GARIN2: variants seen among roughly 807,000 people sequenced by gnomAD.
The protein encoded by GARIN2 is Golgi-associated RAB2 interactor protein 2.
At chr14:67,220,330 T>A in the GARIN2 span, among the ~76,000 whole-genome samples, 3 of 152,112 alleles carry the variant, frequency 2.0e-5, no homozygotes, top group South Asian at 4.1e-4. Context: ...GAGGTCCCAG[T>A]TACTCAGGAG....
At chr14:67,207,196 G>T in the GARIN2 span, among the ~76,000 whole-genome samples, 1 of 152,092 alleles carries the variant, frequency 6.6e-6, no homozygotes, top group East Asian at 1.9e-4. Flanking sequence ...AATTAATAAA[G>T]AAAAGAGGGT....
chr14:67,189,715 C>T, the GARIN2 span: 1 of 152,222 alleles, frequency 6.6e-6, no homozygotes, highest in Admixed American at 6.5e-5. Context: ...TCTTCTACCT[C>T]AACCAGAACA....
chr14:67,215,764 G>A, the GARIN2 span, among the ~76,000 whole-genome samples: 1 of 152,090 alleles, frequency 6.6e-6, no homozygotes, highest in East Asian at 1.9e-4. Flanking sequence ...AATAATCATT[G>A]ATCAGGTCTG....
At chr14:67,225,530 A>G in the GARIN2 span, among the ~76,000 whole-genome samples, 1 of 152,150 alleles carries the variant, frequency 6.6e-6, no homozygotes, top group Non-Finnish European at 1.5e-5. Context: ...TACCATAGCG[A>G]TTCTTCTCAT....
the GARIN2 span, chr14:67,201,306 A>C: frequency 2.9e-6 from 1 of 350,680 alleles, no homozygotes; most frequent in African/African-American, 2.2e-5. Flanking sequence ...AAAACAAACA[A>C]ATAAATATTT....
chr14:67,218,275 G>A, the GARIN2 span, among the ~76,000 whole-genome samples: 1 of 152,194 alleles, frequency 6.6e-6, no homozygotes, highest in African/African-American at 2.4e-5. Flanking sequence ...CTACAGAGCT[G>A]TTTCTCAGGC....
At chr14:67,219,240 T>C in the GARIN2 span, among the ~76,000 whole-genome samples, 1 of 152,216 alleles carries the variant, frequency 6.6e-6, no homozygotes, top group South Asian at 2.1e-4. Flanking sequence ...TAGGTGTTTT[T>C]GGTAGCAATG....
At chr14:67,204,716 A>C in the GARIN2 span, 1 of 1,613,962 alleles carries the variant, frequency 6.2e-7, no homozygotes, top group Non-Finnish European at 8.5e-7. Context: ...GAGAAAGCCA[A>C]AGTTTCCAAA....
chr14:67,222,981 T>C, the GARIN2 span, among the ~76,000 whole-genome samples: 18 of 151,136 alleles, frequency 1.2e-4, no homozygotes, highest in Admixed American at 2.0e-4. Flanking sequence ...GGATTTGTCT[T>C]TGGGCCTTCC....
the GARIN2 span, among the ~76,000 whole-genome samples, chr14:67,220,374 C>T: frequency 6.6e-6 from 1 of 150,928 alleles, no homozygotes; most frequent in Admixed American, 6.6e-5. Context: ...GCTGGGAGGT[C>T]AAGGCTGCAA....
At chr14:67,207,092 A>T in the GARIN2 span, among the ~76,000 whole-genome samples, 1 of 152,194 alleles carries the variant, frequency 6.6e-6, no homozygotes. Context: ...TTTTATCCTT[A>T]AGGAAGAAAA....
the GARIN2 span, chr14:67,224,993 TC>T: frequency 1.3e-6 from 1 of 783,002 alleles, no homozygotes; most frequent in Non-Finnish European, 2.0e-6. Context: ...AATTTAATAT[TC>T]AAAATAAGCT....
chr14:67,200,487 C>CT, the GARIN2 span: 1 of 374,868 alleles, frequency 2.7e-6, no homozygotes, highest in Non-Finnish European at 4.8e-6. Context: ...GGAGGTATTT[C>CT]TTTTTTATGT....
chr14:67,215,778 ACT>A, the GARIN2 span, among the ~76,000 whole-genome samples: 4 of 152,264 alleles, frequency 2.6e-5, no homozygotes, highest in East Asian at 7.7e-4. Context: ...AGGTCTGGTC[ACT>A]CTGATGTCTT....
the GARIN2 span, chr14:67,205,038 C>A: frequency 1.3e-6 from 2 of 1,552,142 alleles, no homozygotes; most frequent in South Asian, 2.4e-5. Context: ...GCTCGGGAGT[C>A]ACAGTGGTGT....
the GARIN2 span, chr14:67,203,394 A>G: frequency 1.9e-5 from 18 of 954,552 alleles, no homozygotes; most frequent in African/African-American, 2.3e-4. Context: ...CCAGTGGAGC[A>G]TGTTACTCGC....
the GARIN2 span, among the ~76,000 whole-genome samples, chr14:67,215,024 G>A: frequency 3.3e-5 from 5 of 152,136 alleles, no homozygotes; most frequent in Non-Finnish European, 5.9e-5. Context: ...TTTGTATCCT[G>A]AGACTTTGCT....
the GARIN2 span, among the ~76,000 whole-genome samples, chr14:67,219,944 T>C: frequency 6.6e-6 from 1 of 152,172 alleles, no homozygotes; most frequent in African/African-American, 2.4e-5. Context: ...CTAGCTAGAG[T>C]CTAATTTGAG....
At chr14:67,190,149 A>G in the GARIN2 span, among the ~76,000 whole-genome samples, 1 of 147,318 alleles carries the variant, frequency 6.8e-6, no homozygotes, top group Non-Finnish European at 1.5e-5. Context: ...TCCTGACCTC[A>G]GGTGATCTAC....
Sources: gnomAD v4.1 joint callset for allele counts (sites outside exome capture counted in the v4.1 genomes callset) on GRCh38, gnomAD v4.1.1 for gene constraint, MANE v1.5 for transcripts, NCBI Gene and HGNC (gene_info 2026-07-23, HGNC 2026-07-21) for gene names.